NALF1: variants seen among roughly 807,000 people sequenced by gnomAD.
NALF1 encodes NALCN channel auxiliary factor 1.
In NALF1, 3 loss-of-function variants were observed where a neutral mutation model predicts 48.4. The ratio of observed to expected loss-of-function variants is 0.06; its 90% CI spans 0.03 to 0.16. The LOEUF (loss-of-function observed/expected upper bound fraction) is 0.16. NALF1 is among the 10% of genes least tolerant of loss of function. The pLI is 1.00. For missense variants in NALF1, 526 were observed against 571.5 expected, an observed-to-expected ratio of 0.92 and a Z score of 0.81; for synonymous variants, 262 against 245.7, an observed-to-expected ratio of 1.07 and a Z score of -0.62.
intron 1 of NALF1, among the ~76,000 whole-genome samples, chr13:107,505,378 T>A (rs1302670434): frequency 6.6e-6 from 1 of 152,110 alleles, no homozygotes; most frequent in Non-Finnish European, 1.5e-5. Context: ...GTCAGAGGGT[T>A]TGAATCAGAG....
intron 1 of NALF1, among the ~76,000 whole-genome samples, chr13:107,311,514 C>A (rs1882045236): frequency 6.6e-6 from 1 of 151,292 alleles, no homozygotes. Context: ...AAAGGGTTTT[C>A]TTAACACTAA....
Position 107,865,834 on chromosome 13 carries a change from C to T in NALF1, c.763G>A (p.Gly255Ser), listed in dbSNP as rs545996058. ...TGCCTGCAAGTGGTCATCTCGCCGCCTTCCTTGAGCACCACATCCAGACTG... is the reference window on the plus strand; with the variant it reads ...TGCCTGCAAGTGGTCATCTCGCCGCTTTCCTTGAGCACCACATCCAGACTG... ...NCSLDVVLKE[G>S]GEMTTCRQCV... The change falls in exon 1 of 3, where the codon GGC becomes AGC. Residue 255 changes from glycine to serine, a missense_variant. By Grantham distance (56) the Gly-to-Ser change is moderately conservative (BLOSUM62 0). Coordinates refer to ENST00000375915, the MANE Select transcript of NALF1 (RefSeq NM_001080396.3). 29 of 1,614,038 alleles carry T rather than the reference C, an allele frequency of 1.8e-5. No homozygotes were observed. In the Admixed American group the frequency reaches 4.5e-4, roughly 25 times the overall value.
intron 1 of NALF1, among the ~76,000 whole-genome samples, chr13:107,361,086 G>A (rs1457395658): frequency 1.3e-5 from 2 of 152,164 alleles, no homozygotes; most frequent in East Asian, 1.9e-4. Flanking sequence ...ATTTTACTCT[G>A]TAGAACAACA....
At chr13:107,565,709 T>C (rs1417964662) in intron 1 of NALF1, among the ~76,000 whole-genome samples, 1 of 152,170 alleles carries the variant, frequency 6.6e-6, no homozygotes, top group Non-Finnish European at 1.5e-5. Context: ...TGTACATACA[T>C]GTGTGTATGA....
At chr13:107,760,478 G>C (rs1196447382) in intron 1 of NALF1, among the ~76,000 whole-genome samples, 4 of 152,048 alleles carry the variant, frequency 2.6e-5, no homozygotes, top group Admixed American at 6.5e-5. Context: ...CTCTCAAAAA[G>C]GTCTTTGTTA....
In NALF1 at chr13:107,362,558, A is replaced by ATG. The variant is rs766520012; in HGVS notation, c.916-151804_916-151803insCA. On this transcript the variant is annotated intron_variant, in intron 1 of 2. Coordinates refer to ENST00000375915, the MANE Select transcript of NALF1 (RefSeq NM_001080396.3). The surrounding 1 kb of genome is among the most constrained non-coding windows in gnomAD (Gnocchi z 4.6). ...TCGCGGGGCATTCTCCTCTCCTTAT[A>ATG]TCAGACACCAGTCACACTGGATTAG... Among the ~76,000 whole-genome samples the ATG allele has an allele frequency of 1.8e-4, 28 of 152,060 alleles. No individual in the cohort carries two copies. Among genetic ancestry groups the ATG allele is most frequent in the Admixed American group, 3.3e-4 (5 of 15,256 alleles).
chr13:107,643,239 A>G (rs1173792697), intron 1 of NALF1, among the ~76,000 whole-genome samples: 1 of 152,212 alleles, frequency 6.6e-6, no homozygotes, highest in Non-Finnish European at 1.5e-5. Context: ...CTTAAGTTAC[A>G]AACACAAATG....
chr13:107,837,775 G>A (rs1345575233), intron 1 of NALF1, among the ~76,000 whole-genome samples: 3 of 152,072 alleles, frequency 2.0e-5, no homozygotes, highest in South Asian at 2.1e-4. Flanking sequence ...GACATTTGAC[G>A]AGGATGATGA....
intron 1 of NALF1, among the ~76,000 whole-genome samples, chr13:107,692,501 C>A (rs1881590012): frequency 6.6e-6 from 1 of 152,008 alleles, no homozygotes; most frequent in Admixed American, 6.6e-5. Flanking sequence ...TTATATTATG[C>A]CAATCTGGCC....
chr13:107,529,289 T>C (rs1005675995), intron 1 of NALF1, among the ~76,000 whole-genome samples: 110 of 152,214 alleles, frequency 7.2e-4, no homozygotes, highest in African/African-American at 2.6e-3. Flanking sequence ...AACGAGACCA[T>C]AGCTCTGGTA....
intron 1 of NALF1, among the ~76,000 whole-genome samples, chr13:107,403,751 A>G (rs1470390395): frequency 1.3e-5 from 2 of 151,796 alleles, no homozygotes; most frequent in Non-Finnish European, 2.9e-5. Flanking sequence ...TTTTAGAAAC[A>G]TATTTATGAA....
At chr13:107,731,805 G>C (rs1219498830) in intron 1 of NALF1, among the ~76,000 whole-genome samples, 1 of 152,086 alleles carries the variant, frequency 6.6e-6, no homozygotes, top group Non-Finnish European at 1.5e-5. Flanking sequence ...GCCTGCCATT[G>C]ATGGTCATTT....
chr13:107,464,068 C>T (rs552995458), intron 1 of NALF1, among the ~76,000 whole-genome samples: 1 of 152,258 alleles, frequency 6.6e-6, no homozygotes, highest in African/African-American at 2.4e-5. Context: ...AATCCACCTG[C>T]CTGACCCCAA....
intron 1 of NALF1, among the ~76,000 whole-genome samples, chr13:107,220,764 G>A (rs1405644589): frequency 7.9e-5 from 12 of 152,156 alleles, no homozygotes; most frequent in Admixed American, 7.9e-4. Flanking sequence ...GAAGTCAATG[G>A]GGGCTGAGGG....
intron 1 of NALF1, among the ~76,000 whole-genome samples, chr13:107,776,079 T>C (rs1054227786): frequency 6.6e-6 from 1 of 152,220 alleles, no homozygotes; most frequent in Non-Finnish European, 1.5e-5. Flanking sequence ...GGCCAACAGC[T>C]GTAGCTTTTG....
chr13:107,357,668 G>A (rs1882987319), intron 1 of NALF1, among the ~76,000 whole-genome samples: 1 of 152,200 alleles, frequency 6.6e-6, no homozygotes, highest in Non-Finnish European at 1.5e-5. Flanking sequence ...CATGTCAAGA[G>A]AAGGATCCCT....
intron 1 of NALF1, among the ~76,000 whole-genome samples, chr13:107,629,261 C>A (rs1490779241): frequency 6.6e-6 from 1 of 152,132 alleles, no homozygotes. Flanking sequence ...ACTAATATAG[C>A]AGTAATCACT....
chr13:107,512,794 C>T (rs1034659208), intron 1 of NALF1, among the ~76,000 whole-genome samples: 5 of 152,074 alleles, frequency 3.3e-5, no homozygotes, highest in Non-Finnish European at 7.4e-5. Flanking sequence ...GCCATGGCAA[C>T]GGTAAACTGA....
chr13:107,569,377 C>G (rs778216247), intron 1 of NALF1, among the ~76,000 whole-genome samples: 1 of 151,874 alleles, frequency 6.6e-6, no homozygotes, highest in Non-Finnish European at 1.5e-5. Flanking sequence ...GACGCTGAGG[C>G]AGGAGAATGA....
Sources: allele counts gnomAD v4.1 joint callset (sites outside exome capture counted in the v4.1 genomes callset), GRCh38; gene constraint gnomAD v4.1.1; non-coding constraint Gnocchi (gnomAD v3.1); transcripts MANE v1.5; gene names NCBI Gene and HGNC (gene_info 2026-07-23, HGNC 2026-07-21).